The following ARHGAP6 variants were observed in gnomAD, a reference collection of about 807,000 sequenced individuals.
ARHGAP6 encodes rho GTPase-activating protein 6.
A neutral mutation model predicts 55.7 loss-of-function variants in ARHGAP6; 16 were observed. The ratio of observed to expected loss-of-function variants is 0.29; its 90% CI spans 0.19 to 0.44. ARHGAP6 has a LOEUF of 0.44. Among genes scored for constraint, ARHGAP6 ranks in the 20% least tolerant of loss-of-function variants. The probability of loss-of-function intolerance (pLI) is 1.00; values close to 1 mark genes in which losing one functional copy is unlikely to be tolerated. For synonymous variants in ARHGAP6, 382 were observed against 360.9 expected (o/e 1.06, Z -0.66); for missense variants, 698 against 808.9 (o/e 0.86, Z 1.66).
At chrX:11,621,475 A>G (rs367543576) in intron 1 of ARHGAP6, among the ~76,000 whole-genome samples, 1 of 86,241 alleles carries the variant, frequency 1.2e-5, no homozygotes, top group African/African-American at 3.6e-5. Context: ...ATAAGATTTG[A>G]AAAAAAATGG....
At chrX:11,490,093 C>A (rs2050552495) in intron 1 of ARHGAP6, among the ~76,000 whole-genome samples, 1 of 111,455 alleles carries the variant, frequency 9.0e-6, no homozygotes, top group Non-Finnish European at 1.9e-5. Flanking sequence ...GTGAATCACA[C>A]CCTTATACAA....
At chrX:11,182,209 C>T (rs2046323218) in intron 5 of ARHGAP6, 91 bp from the exon 6 acceptor site, 9 of 707,685 alleles carry the variant, frequency 1.3e-5, no homozygotes, top group Non-Finnish European at 1.9e-5. Flanking sequence ...CAGCACAGTG[C>T]CGTAACATGT....
At chrX:11,517,953 C>T (rs929929192) in intron 1 of ARHGAP6, among the ~76,000 whole-genome samples, 4 of 110,424 alleles carry the variant, frequency 3.6e-5, no homozygotes, top group African/African-American at 9.9e-5. Flanking sequence ...CCTGCACATC[C>T]GCACATGTAC....
chrX:11,265,680 G>A, intron 1 of ARHGAP6: 1 of 860,231 alleles, frequency 1.2e-6, no homozygotes, highest in Non-Finnish European at 1.4e-6. Flanking sequence ...TATTTATATT[G>A]CTTACCCATA....
intron 1 of ARHGAP6, among the ~76,000 whole-genome samples, chrX:11,518,770 G>A (rs2147874595): frequency 1.1e-5 from 1 of 90,098 alleles, no homozygotes; most frequent in East Asian, 3.9e-4. Context: ...ATCTCCTAAT[G>A]CTATCCCTCC....
chrX:11,288,052 C>T (rs1284024026), intron 1 of ARHGAP6, among the ~76,000 whole-genome samples: 1 of 112,179 alleles, frequency 8.9e-6, no homozygotes, highest in Non-Finnish European at 1.9e-5. Flanking sequence ...TTAAAACTGA[C>T]CACCCTATTG....
chrX:11,347,313 A>G (rs758400713), intron 1 of ARHGAP6, among the ~76,000 whole-genome samples: 11 of 112,196 alleles, frequency 9.8e-5, no homozygotes, highest in Non-Finnish European at 1.5e-4. Flanking sequence ...AGTTCATTTC[A>G]TATGCCTGGA....
intron 1 of ARHGAP6, among the ~76,000 whole-genome samples, chrX:11,631,880 T>A (rs762111756): frequency 1.8e-5 from 2 of 111,831 alleles, no homozygotes; most frequent in Admixed American, 9.5e-5. Context: ...TGTTTTGATT[T>A]TTTCCACCAT....
At position 11,538,654 on chromosome X, in the gene ARHGAP6, T is replaced by A. The variant is rs1391409243; in HGVS notation, c.588+125587A>T. Among the ~76,000 whole-genome samples the A allele has an allele frequency of 3.6e-5, 4 of 112,024 alleles. No homozygotes were observed. In the East Asian group the frequency reaches 1.1e-3, roughly 31 times the overall value. On this transcript the variant is annotated intron_variant, in intron 1 of 12. Coordinates refer to ENST00000337414, the MANE Select transcript of ARHGAP6 (RefSeq NM_013427.3). ...TAAATGCTTCTAATTTTAAAAATAT[T>A]AAGGTACTTCATTTTTAATTAATCA...
intron 1 of ARHGAP6, among the ~76,000 whole-genome samples, chrX:11,349,252 A>G (rs1208093590): frequency 9.0e-6 from 1 of 111,214 alleles, no homozygotes; most frequent in East Asian, 2.8e-4. Context: ...GCACTCCCCA[A>G]TTTCCCCTCT....
At chrX:11,462,644 T>C (rs1002171310) in intron 1 of ARHGAP6, among the ~76,000 whole-genome samples, 1 of 112,576 alleles carries the variant, frequency 8.9e-6, no homozygotes, top group Non-Finnish European at 1.9e-5. Context: ...AGATTTGGGA[T>C]AACATTCTGA....
At chrX:11,171,130 G>A (rs1481666168) in intron 8 of ARHGAP6, among the ~76,000 whole-genome samples, 1 of 111,029 alleles carries the variant, frequency 9.0e-6, no homozygotes, top group Non-Finnish European at 1.9e-5. Context: ...GGAGTACGGG[G>A]TGAAGGAAGG....
At chrX:11,626,138 A>G (rs2052296100) in intron 1 of ARHGAP6, among the ~76,000 whole-genome samples, 1 of 112,144 alleles carries the variant, frequency 8.9e-6, no homozygotes, top group African/African-American at 3.2e-5. Context: ...ACACAATATT[A>G]AGAATTCAAA....
chrX:11,363,438 C>A (rs893415262), intron 1 of ARHGAP6, among the ~76,000 whole-genome samples: 8 of 112,075 alleles, frequency 7.1e-5, no homozygotes, highest in African/African-American at 2.6e-4. Context: ...ATTAGCAAAG[C>A]AGATTTTTCT....
intron 1 of ARHGAP6, among the ~76,000 whole-genome samples, chrX:11,621,294 C>A (rs1028942604): frequency 1.8e-5 from 2 of 111,553 alleles, no homozygotes; most frequent in African/African-American, 6.5e-5. Flanking sequence ...ATATCAATAT[C>A]CAGAATATGA....
chrX:11,427,687 GC>G, intron 1 of ARHGAP6: 1 of 830,434 alleles, frequency 1.2e-6, no homozygotes, highest in African/African-American at 2.2e-5. Flanking sequence ...TCCTGGGGCA[GC>G]CCCTGGGCGC....
chrX:11,379,472 C>A (rs1180116074), intron 1 of ARHGAP6, among the ~76,000 whole-genome samples: 2 of 112,227 alleles, frequency 1.8e-5, no homozygotes, highest in African/African-American at 6.5e-5. Context: ...CCAGAAACTA[C>A]TGGAACCTTT....
intron 9 of ARHGAP6, among the ~76,000 whole-genome samples, chrX:11,159,715 T>C (rs2045914713): frequency 9.0e-6 from 1 of 111,078 alleles, no homozygotes; most frequent in African/African-American, 3.3e-5. Flanking sequence ...TCAGAGTTCA[T>C]AGGAGAGGTC....
chrX:11,292,683 T>C (rs1487081397), intron 1 of ARHGAP6, among the ~76,000 whole-genome samples: 1 of 111,874 alleles, frequency 8.9e-6, no homozygotes, highest in East Asian at 2.8e-4. Flanking sequence ...AAATTTACTT[T>C]AAAATGTGCT....
Sources: allele counts gnomAD v4.1 joint callset (sites outside exome capture counted in the v4.1 genomes callset), GRCh38; gene constraint gnomAD v4.1.1; transcripts MANE v1.5; gene names NCBI Gene and HGNC (gene_info 2026-07-23, HGNC 2026-07-21).